Variants in LRRC7 observed in about 807,000 individuals in gnomAD.
LRRC7 encodes leucine-rich repeat-containing protein 7.
LRRC7 carries 23 observed loss-of-function variants against 175.7 expected under a neutral mutation model. The observed-to-expected ratio is 0.13, with a 90% CI of 0.09 to 0.19. LRRC7 has a LOEUF of 0.19. Ranked by LOEUF, LRRC7 falls within the 10% of genes least tolerant of loss-of-function variation. LRRC7 has a pLI of 1.00. For missense variants in LRRC7, 1,354 were observed against 1,904.7 expected (o/e 0.71, Z 5.38); for synonymous variants, 685 against 680.9 (o/e 1.01, Z -0.09).
At chr1:69,843,631 C>T (rs1470267657) in intron 7 of LRRC7, among the ~76,000 whole-genome samples, 1 of 151,988 alleles carries the variant, frequency 6.6e-6, no homozygotes, top group Non-Finnish European at 1.5e-5. Flanking sequence ...CTCTGTAGTA[C>T]CACCTTTGTG....
chr1:70,068,049 C>T (rs567757569), intron 23 of LRRC7, among the ~76,000 whole-genome samples: 1 of 152,188 alleles, frequency 6.6e-6, no homozygotes, highest in East Asian at 1.9e-4. Flanking sequence ...ACAGTGTCAT[C>T]GTAAATAAGA....
chr1:70,114,523 C>T (rs879203445), intron 26 of LRRC7, among the ~76,000 whole-genome samples: 4 of 151,788 alleles, frequency 2.6e-5, no homozygotes, highest in Non-Finnish European at 4.4e-5. Context: ...CCCGTCTCTA[C>T]GAAAAAAATT....
At chr1:70,098,033 C>T (rs1277444299) in intron 25 of LRRC7, among the ~76,000 whole-genome samples, 1 of 151,530 alleles carries the variant, frequency 6.6e-6, no homozygotes, top group Non-Finnish European at 1.5e-5. Flanking sequence ...TGAGGAATCG[C>T]CACACTGACC....
chr1:69,617,606 G>T (rs1649870829), intron 1 of LRRC7, among the ~76,000 whole-genome samples: 1 of 146,358 alleles, frequency 6.8e-6, no homozygotes, highest in African/African-American at 2.5e-5. Flanking sequence ...GGGAGCTGGA[G>T]TCTACAAGTG....
intron 1 of LRRC7, among the ~76,000 whole-genome samples, chr1:69,619,099 T>C (rs967228820): frequency 1.0e-4 from 12 of 116,034 alleles, no homozygotes; most frequent in Admixed American, 8.7e-4. Context: ...AGGGTCAGCA[T>C]GTGTGAGGGC....
intron 6 of LRRC7, among the ~76,000 whole-genome samples, chr1:69,837,491 T>A (rs1681251769): frequency 6.6e-6 from 1 of 151,884 alleles, no homozygotes; most frequent in South Asian, 2.1e-4. Context: ...TTGCCCAGTG[T>A]CAGAGAGGCA....
At chr1:70,072,133 A>C (rs563316574) in intron 23 of LRRC7, among the ~76,000 whole-genome samples, 1 of 151,780 alleles carries the variant, frequency 6.6e-6, no homozygotes, top group Non-Finnish European at 1.5e-5. Flanking sequence ...CTCCATCACT[A>C]TTCTCCTCAA....
At chr1:69,619,800 T>C (rs981523371) in intron 1 of LRRC7, among the ~76,000 whole-genome samples, 5 of 152,174 alleles carry the variant, frequency 3.3e-5, no homozygotes, top group Non-Finnish European at 5.9e-5. Context: ...TGATACTGTA[T>C]AATGAAATGT....
chr1:69,628,661 C>T (rs1287289285), intron 1 of LRRC7, among the ~76,000 whole-genome samples: 2 of 151,980 alleles, frequency 1.3e-5, no homozygotes, highest in African/African-American at 4.8e-5. Context: ...CACACGAATA[C>T]CTAACACAAT....
intron 3 of LRRC7, among the ~76,000 whole-genome samples, chr1:69,763,040 T>A (rs1031406077): frequency 6.6e-6 from 1 of 151,990 alleles, no homozygotes; most frequent in Non-Finnish European, 1.5e-5. Flanking sequence ...TGAGGTATGA[T>A]CCAAACAGTA....
chr1:69,802,242 C>G (rs145206033), intron 4 of LRRC7, among the ~76,000 whole-genome samples: 86 of 151,512 alleles, frequency 5.7e-4, no homozygotes, highest in African/African-American at 2.0e-3. Context: ...CCCATTTGGT[C>G]TAAAGTCCAA....
At chr1:69,580,893 T>C (rs1446112778) in intron 1 of LRRC7, among the ~76,000 whole-genome samples, 2 of 152,178 alleles carry the variant, frequency 1.3e-5, no homozygotes, top group Non-Finnish European at 2.9e-5. Context: ...TGAGAAGAAG[T>C]AGCATCTTTG....
Position 69,834,765 on chromosome 1 carries a change from T to C in LRRC7, c.501-15T>C. The C allele has an allele frequency of 6.2e-7, 1 of 1,603,168 alleles. No homozygotes were observed. The highest frequency in any genetic ancestry group is 8.5e-7 in the Non-Finnish European group (1 of 1,170,570). ...CAACATCAATGCAGTGACTAAAACT[T>C]TAACTCCTTTTTAGACTACCTGATG... On this transcript the variant is annotated splice_polypyrimidine_tract_variant and intron_variant, in intron 5 of 26. Transcript: ENST00000651989.
intron 7 of LRRC7, among the ~76,000 whole-genome samples, chr1:69,916,051 T>TA (rs1646678644): frequency 7.3e-6 from 1 of 137,110 alleles, no homozygotes; most frequent in Non-Finnish European, 1.5e-5. Flanking sequence ...TATATATATA[T>TA]TTTATATGTA....
At chr1:69,843,734 C>T (rs1682001024) in intron 7 of LRRC7, among the ~76,000 whole-genome samples, 2 of 152,140 alleles carry the variant, frequency 1.3e-5, no homozygotes, top group East Asian at 1.9e-4. Context: ...AAAAGATTCA[C>T]TTTAAATTAT....
At chr1:69,775,042 G>T (rs1231846985) in intron 3 of LRRC7, among the ~76,000 whole-genome samples, 1 of 152,092 alleles carries the variant, frequency 6.6e-6, no homozygotes, top group Middle Eastern at 3.2e-3. Context: ...GAGAAAAATA[G>T]AATTGAGCTA....
chr1:69,952,406 G>A (rs1650034486), intron 8 of LRRC7, among the ~76,000 whole-genome samples: 1 of 151,930 alleles, frequency 6.6e-6, no homozygotes, highest in South Asian at 2.1e-4. Context: ...CCCCATGAGA[G>A]TTCTAACAAT....
At chr1:70,090,227 A>C (rs1663920257) in intron 25 of LRRC7, among the ~76,000 whole-genome samples, 1 of 152,210 alleles carries the variant, frequency 6.6e-6, no homozygotes, top group Non-Finnish European at 1.5e-5. Flanking sequence ...ATGACATAGT[A>C]ATTCAATGCA....
chr1:70,137,143 G>A lies in LRRC7; in HGVS notation c.*15256G>A, dbSNP rs1008974483. Among the ~76,000 whole-genome samples, 9 of 152,190 alleles carry A rather than the reference G, an allele frequency of 5.9e-5. No individual in the cohort carries two copies. Among genetic ancestry groups the A allele is most frequent in the Non-Finnish European group, 1.0e-4 (7 of 68,036 alleles). ...ACAAGGCTCAGGTGACAGTGGGGACGTAAATAACTGCAGTATCATCCTGAA... is the reference window on the plus strand; with the variant it reads ...ACAAGGCTCAGGTGACAGTGGGGACATAAATAACTGCAGTATCATCCTGAA... On this transcript the variant is annotated 3_prime_UTR_variant, in exon 27 of 27. Transcript: ENST00000651989.
Sources: gnomAD v4.1 joint callset for allele counts (sites outside exome capture counted in the v4.1 genomes callset) on GRCh38, gnomAD v4.1.1 for gene constraint, MANE v1.5 for transcripts, NCBI Gene and HGNC (gene_info 2026-07-23, HGNC 2026-07-21) for gene names.